The following MIIP variants were observed in gnomAD, a reference collection of about 807,000 sequenced individuals.
The protein encoded by MIIP is migration and invasion inhibitory protein, also known as migration and invasion-inhibitory protein.
MIIP carries 44 observed loss-of-function variants against 44.8 expected under a neutral mutation model. That is an observed-to-expected ratio of 0.98 (90% CI 0.77 to 1.26). The LOEUF is 1.26. Ranked by LOEUF, MIIP falls within the 50% of genes most tolerant of loss-of-function variation. The pLI, the probability that MIIP is intolerant of heterozygous loss-of-function variation, is 0.00. For synonymous variants in MIIP, 225 were observed against 218.3 expected (o/e 1.03, Z -0.27); for missense variants, 496 against 511.7 (o/e 0.97, Z 0.30).
At chr1:12,021,107 T>C (rs916706478) in intron 1 of MIIP, among the ~76,000 whole-genome samples, 3 of 152,136 alleles carry the variant, frequency 2.0e-5, no homozygotes, top group East Asian at 3.9e-4. Flanking sequence ...AATTAAATTT[T>C]TTTTTGGCCA....
At position 12,031,610 on chromosome 1, in the gene MIIP, C is replaced by T. The variant is rs972536185; in HGVS notation, c.1081-112C>T. 19 of 1,611,816 alleles carry T rather than the reference C, an allele frequency of 1.2e-5. 1 individual carries two copies. Among genetic ancestry groups the T allele is most frequent in the Middle Eastern group, 1.6e-4 (1 of 6,062 alleles). ...TCTGCTCCCTGCCGCCTGCCCTGCTCCACCCAGGAAGGCCACCCTGACTGC... is the reference window on the plus strand; with the variant it reads ...TCTGCTCCCTGCCGCCTGCCCTGCTTCACCCAGGAAGGCCACCCTGACTGC... On this transcript the variant is annotated intron_variant, in intron 9 of 9. Transcript: ENST00000235332.
intron 4 of MIIP, among the ~76,000 whole-genome samples, chr1:12,024,984 C>A (rs1640071257): frequency 6.6e-6 from 1 of 151,190 alleles, no homozygotes; most frequent in Non-Finnish European, 1.5e-5. Context: ...AACATAACGG[C>A]CTCAAGATTT....
intron 1 of MIIP, among the ~76,000 whole-genome samples, chr1:12,021,345 G>C (rs1437087337): frequency 6.7e-6 from 1 of 150,350 alleles, no homozygotes; most frequent in East Asian, 2.0e-4. Flanking sequence ...AGTGAGCCGA[G>C]ATTGCGCCAC....
At chr1:12,029,200 G>A (rs767728523) in intron 5 of MIIP, 23 bp from the exon 6 acceptor site, 16 of 1,613,504 alleles carry the variant, frequency 9.9e-6, no homozygotes, top group Non-Finnish European at 1.2e-5. Context: ...CCCCCGGCCT[G>A]CTCATCCCCC....
chr1:12,031,608 C>T (rs1640244309), intron 9 of MIIP, 114 bp from the exon 10 acceptor site: 1 of 1,611,576 alleles, frequency 6.2e-7, no homozygotes, highest in Admixed American at 1.7e-5. Flanking sequence ...GCCTGCCCTG[C>T]TCCACCCAGG....
Position 12,030,123 on chromosome 1 carries a change from G to T in MIIP, c.941G>T (p.Arg314Leu), listed in dbSNP as rs150012479. 153 of 1,612,126 alleles carry T rather than the reference G, an allele frequency of 9.5e-5. No homozygotes were observed. Among genetic ancestry groups the T allele is most frequent in the Non-Finnish European group, 1.2e-4 (145 of 1,179,832 alleles). Residue 314 changes from arginine (R) to leucine (L), a missense_variant and splice_region_variant, in exon 8 of 10, where the codon CGG becomes CTG. Arg to Leu is a moderately radical substitution (Grantham distance 102). Transcript: ENST00000235332. ...GCCTCTGACACACTGGCCCTGCCCCGGGTGAGCAGCCACGTGGGGCTGGAT... is the reference window on the plus strand; with the variant it reads ...GCCTCTGACACACTGGCCCTGCCCCTGGTGAGCAGCCACGTGGGGCTGGAT... ...FDASDTLALP[R>L]HCLLGWDIFP...
chr1:12,028,647 G>C (rs1640154866), intron 4 of MIIP: 1 of 179,452 alleles, frequency 5.6e-6, no homozygotes, highest in Non-Finnish European at 1.2e-5. Flanking sequence ...CTTTCTGGCA[G>C]GTATCAGCAT....
intron 4 of MIIP, among the ~76,000 whole-genome samples, chr1:12,027,478 C>A (rs559591643): frequency 1.3e-5 from 2 of 152,306 alleles, no homozygotes; most frequent in Non-Finnish European, 2.9e-5. Flanking sequence ...ACTTTCTCCC[C>A]TGGACTTCCA....
intron 4 of MIIP, among the ~76,000 whole-genome samples, chr1:12,028,250 T>G (rs992568115): frequency 6.6e-6 from 1 of 152,102 alleles, no homozygotes; most frequent in Admixed American, 6.6e-5. Context: ...CATGGTAAGT[T>G]GGGGGCTGCC....
At position 12,031,981 on chromosome 1, in the gene MIIP, C is replaced by T. The variant is rs911454633; in HGVS notation, c.*173C>T. 5 of 639,304 alleles carry T rather than the reference C, an allele frequency of 7.8e-6. No homozygotes were observed. The highest frequency in any genetic ancestry group is 5.5e-5 in the African/African-American group (3 of 54,400). The allele number at this position is 639,304 out of a possible 1,614,324, so 39.6% of individuals were successfully genotyped here. ...TGCCTGAGTTCCAGAGAGGGAGGAC[C>T]CTGGGGTGGAGGGTGAGGGATTCTG... On this transcript the variant is annotated 3_prime_UTR_variant, in exon 10 of 10. Coordinates refer to ENST00000235332, the MANE Select transcript of MIIP (RefSeq NM_021933.4).
chr1:12,029,594 T>G, intron 6 of MIIP, 171 bp from the exon 7 acceptor site: 2 of 956,266 alleles, frequency 2.1e-6, no homozygotes, highest in Non-Finnish European at 3.1e-6. Flanking sequence ...CCCCACCCCT[T>G]AGGGCGTGGG....
At chr1:12,030,452 A>T (rs1374530790) in intron 8 of MIIP, among the ~76,000 whole-genome samples, 3 of 151,178 alleles carry the variant, frequency 2.0e-5, no homozygotes, top group Non-Finnish European at 4.4e-5. Context: ...GAGTGTAGGC[A>T]CTGCTGTACC....
intron 1 of MIIP, among the ~76,000 whole-genome samples, chr1:12,020,573 T>C (rs1639949721): frequency 6.6e-6 from 1 of 152,212 alleles, no homozygotes; most frequent in Non-Finnish European, 1.5e-5. Flanking sequence ...AGTAGTGTGA[T>C]CTCCACTCAC....
chr1:12,025,720 TTTTA>T (rs754327843), intron 4 of MIIP, among the ~76,000 whole-genome samples: 3 of 152,106 alleles, frequency 2.0e-5, no homozygotes, highest in Non-Finnish European at 4.4e-5. Context: ...CCTTTTTTAT[TTTTA>T]TTTGTTTTCT....
intron 8 of MIIP, among the ~76,000 whole-genome samples, chr1:12,030,375 T>G (rs1036314544): frequency 6.6e-6 from 1 of 151,994 alleles, no homozygotes; most frequent in Non-Finnish European, 1.5e-5. Context: ...TCCTGTTTAT[T>G]GCGCTTTTGT....
intron 4 of MIIP, 60 bp downstream of exon 4, chr1:12,022,977 A>C: frequency 7.4e-7 from 1 of 1,350,928 alleles, no homozygotes; most frequent in Non-Finnish European, 1.0e-6. Context: ...GAGGCCTGGG[A>C]TCCTCCATGC....
chr1:12,021,621 C>A, intron 1 of MIIP, 24 bp from the exon 2 acceptor site: 1 of 948,904 alleles, frequency 1.1e-6, no homozygotes, highest in Non-Finnish European at 1.6e-6. Context: ...TACTGAGCCC[C>A]GTGTCCTGCT....
At chr1:12,020,066 G>A (rs1472655202) in intron 1 of MIIP, among the ~76,000 whole-genome samples, 4 of 152,210 alleles carry the variant, frequency 2.6e-5, no homozygotes, top group African/African-American at 9.7e-5. Flanking sequence ...GGAGGTGGGG[G>A]GCAAGGGCTG....
Position 12,031,765 on chromosome 1 carries a change from T to TGCCCCAGGTCCCTCG in MIIP, c.1131_1145dup (p.Gln377_Pro381dup). 1.9e-6 allele frequency: 3 copies of TGCCCCAGGTCCCTCG among 1,613,888 alleles called. No individual in the cohort carries two copies. In the South Asian group the frequency reaches 3.3e-5, roughly 18 times the overall value. ...CTGCCCCCGACCCCGACCTGGTCAG[T>TGCCCCAGGTCCCTCG]GCCCCAGGTCCCTCGGCCCCACGTC... On this transcript the variant is annotated inframe_insertion, in exon 10 of 10. Coordinates refer to ENST00000235332, the MANE Select transcript of MIIP (RefSeq NM_021933.4).
Sources: allele counts gnomAD v4.1 joint callset (sites outside exome capture counted in the v4.1 genomes callset), GRCh38; gene constraint gnomAD v4.1.1; transcripts MANE v1.5; gene names NCBI Gene and HGNC (gene_info 2026-07-23, HGNC 2026-07-21).